Variants in FARS2 observed in about 807,000 individuals in gnomAD.
The protein encoded by FARS2 is phenylalanine--tRNA ligase, mitochondrial.
Under a neutral mutation model 46.4 loss-of-function variants are expected in FARS2, and 40 were observed. That is an observed-to-expected ratio of 0.86 (90% CI 0.67 to 1.12). The LOEUF (loss-of-function observed/expected upper bound fraction) is 1.12. FARS2 is among the 50% of genes most tolerant of loss of function. FARS2 has a pLI of 0.00. For synonymous variants in FARS2, 234 were observed against 214.9 expected, an observed-to-expected ratio of 1.09 and a Z score of -0.78; for missense variants, 513 against 567.9, an observed-to-expected ratio of 0.90 and a Z score of 0.98.
chr6:5,574,195 G>C (rs759026460), intron 5 of FARS2, among the ~76,000 whole-genome samples: 1 of 152,036 alleles, frequency 6.6e-6, no homozygotes, highest in African/African-American at 2.4e-5. Flanking sequence ...ACAGTGGTGC[G>C]ATCTCGGCTC....
At chr6:5,496,039 C>G (rs558761275) in intron 4 of FARS2, among the ~76,000 whole-genome samples, 7 of 152,300 alleles carry the variant, frequency 4.6e-5, no homozygotes, top group Non-Finnish European at 7.4e-5. Flanking sequence ...CCCCTAGGAT[C>G]CCTGCACAAC....
the FARS2 span, among the ~76,000 whole-genome samples, chr6:5,250,658 A>C: frequency 6.6e-6 from 1 of 152,226 alleles, no homozygotes; most frequent in Non-Finnish European, 1.5e-5. Context: ...GTCAGGTAAC[A>C]ATAGTTCTTT....
At chr6:5,758,308 A>T (rs1762313243) in intron 6 of FARS2, among the ~76,000 whole-genome samples, 1 of 152,176 alleles carries the variant, frequency 6.6e-6, no homozygotes, top group South Asian at 2.1e-4. Context: ...ATATTAATCA[A>T]TTAGATTACT....
At chr6:5,580,724 G>A (rs1035357289) in intron 5 of FARS2, among the ~76,000 whole-genome samples, 51 of 152,260 alleles carry the variant, frequency 3.3e-4, no homozygotes, top group Admixed American at 2.7e-3. Flanking sequence ...TGCTCTGGAC[G>A]CCGCCATTCC....
At position 5,263,864 on chromosome 6, in the gene FARS2, C is replaced by T. The variant is rs116444740; in HGVS notation, c.-22+2204C>T. Among the ~76,000 whole-genome samples, 953 of 152,208 alleles carry T rather than the reference C, an allele frequency of 6.3e-3. 10 individuals carry two copies. The highest frequency in any genetic ancestry group is 0.043 in the South Asian group (209 of 4,816). The stretch of plus-strand genomic sequence containing the variant: ...ATTTACTGTCCTTAAGCTTAAATAT[C>T]AAAATGATGTATAAAGTAAAATTTG... On this transcript the variant is annotated intron_variant, in intron 1 of 6. Transcript: ENST00000274680.
At chr6:5,296,129 CTTTTTTTTTT>C (rs70974187) in intron 1 of FARS2, among the ~76,000 whole-genome samples, 44 of 55,072 alleles carry the variant, frequency 8.0e-4, no homozygotes, top group East Asian at 1.9e-3. Context: ...TCATTTTGGC[CTTTTTTTTTT>C]TTTTTTTTTT....
chr6:5,667,398 G>A (rs748458748), intron 6 of FARS2, among the ~76,000 whole-genome samples: 42 of 151,810 alleles, frequency 2.8e-4, no homozygotes, highest in Middle Eastern at 6.8e-3. Flanking sequence ...CATGCCTAAA[G>A]TCCCAGCTGC....
At chr6:5,315,831 G>C (rs1308987481) in intron 1 of FARS2, among the ~76,000 whole-genome samples, 3 of 151,838 alleles carry the variant, frequency 2.0e-5, no homozygotes, top group Non-Finnish European at 4.4e-5. Flanking sequence ...GCTTATAAAT[G>C]CATGTTCAGA....
intron 1 of FARS2, among the ~76,000 whole-genome samples, chr6:5,324,899 G>A (rs1300190519): frequency 6.6e-6 from 1 of 151,806 alleles, no homozygotes; most frequent in Non-Finnish European, 1.5e-5. Flanking sequence ...TCTCATCCCT[G>A]CCTCCTGAGA....
intron 3 of FARS2, among the ~76,000 whole-genome samples, chr6:5,423,096 G>A (rs997336125): frequency 1.3e-5 from 2 of 152,104 alleles, no homozygotes; most frequent in Non-Finnish European, 2.9e-5. Flanking sequence ...GACCAGCTTT[G>A]TGGAGGCTGG....
At chr6:5,323,039 C>G (rs543142876) in intron 1 of FARS2, among the ~76,000 whole-genome samples, 39 of 152,208 alleles carry the variant, frequency 2.6e-4, no homozygotes, top group Admixed American at 1.8e-3. Flanking sequence ...TGCATTATTA[C>G]TTTTATCAAT....
At chr6:5,514,321 A>T (rs896682213) in intron 4 of FARS2, among the ~76,000 whole-genome samples, 2 of 152,222 alleles carry the variant, frequency 1.3e-5, no homozygotes, top group African/African-American at 4.8e-5. Context: ...AACATTAAAA[A>T]GACAAAATTC....
rs992138631 is a variant in FARS2, at chr6:5,678,503, T to A, written c.1217+65183T>A. On this transcript the variant is annotated intron_variant, in intron 6 of 6. Transcript: ENST00000274680. Reference sequence around the variant, plus strand: ...CACTAAGTTTACATCAGAGAGGACATACTTTTATAGTCTGCATTGTCAGTG... The same window carrying A: ...CACTAAGTTTACATCAGAGAGGACAAACTTTTATAGTCTGCATTGTCAGTG... 1.6e-4 allele frequency among the ~76,000 whole-genome samples: 24 copies of A among 152,178 alleles called. 1 individual carries two copies. Among genetic ancestry groups the A allele is most frequent in the African/African-American group, 5.5e-4 (23 of 41,450 alleles).
chr6:5,692,786 G>T lies in FARS2; in HGVS notation c.1218-78505G>T, dbSNP rs557093189. On this transcript the variant is annotated intron_variant, in intron 6 of 6. Coordinates refer to ENST00000274680, the MANE Select transcript of FARS2 (RefSeq NM_006567.5). ...TGAACATGTGGGATATGATGTGTGTGCGTCACTATTTTTATATCCTTGTAT... is the reference window on the plus strand; with the variant it reads ...TGAACATGTGGGATATGATGTGTGTTCGTCACTATTTTTATATCCTTGTAT... 3.9e-5 allele frequency among the ~76,000 whole-genome samples: 6 copies of T among 152,148 alleles called. 1 individual carries two copies. In the South Asian group the frequency reaches 1.2e-3, roughly 31 times the overall value.
At chr6:5,719,813 T>G (rs897056369) in intron 6 of FARS2, among the ~76,000 whole-genome samples, 3 of 152,246 alleles carry the variant, frequency 2.0e-5, no homozygotes, top group Non-Finnish European at 4.4e-5. Flanking sequence ...GTAGTTGATT[T>G]TATGTATTGC....
In FARS2 at chr6:5,630,257, T is replaced by G. The variant is rs1214658246; in HGVS notation, c.1217+16937T>G. Among the ~76,000 whole-genome samples, 1 of 152,090 alleles carries G rather than the reference T, an allele frequency of 6.6e-6. No homozygotes were observed. The highest frequency in any genetic ancestry group is 6.5e-5 in the Admixed American group (1 of 15,274). ...GAGATGGAAGTCAAAGAGCAGAGGC[T>G]GGGAATGAAAGCCATTGGAAGGTAC... On this transcript the variant is annotated intron_variant, in intron 6 of 6. Coordinates refer to ENST00000274680, the MANE Select transcript of FARS2 (RefSeq NM_006567.5). The surrounding 1 kb of genome is among the most constrained non-coding windows in gnomAD (Gnocchi z 4.2).
At chr6:5,708,989 G>T (rs1758934869) in intron 6 of FARS2, among the ~76,000 whole-genome samples, 1 of 152,152 alleles carries the variant, frequency 6.6e-6, no homozygotes, top group South Asian at 2.1e-4. Flanking sequence ...AGGGTTGCTG[G>T]CCCTCATCTG....
intron 6 of FARS2, among the ~76,000 whole-genome samples, chr6:5,717,908 CTATATATATATATA>C (rs58922507): frequency 1.3e-5 from 1 of 77,724 alleles, no homozygotes; most frequent in Non-Finnish European, 3.3e-5. Flanking sequence ...AAGGTATCAG[CTATATATATATATA>C]TATATATATA....
intron 6 of FARS2, among the ~76,000 whole-genome samples, chr6:5,720,266 C>T (rs1268152577): frequency 1.3e-5 from 2 of 152,210 alleles, no homozygotes; most frequent in Non-Finnish European, 2.9e-5. Context: ...AGGGTAACTT[C>T]TGAGTTCTGG....
Sources: gnomAD v4.1 joint callset for allele counts (sites outside exome capture counted in the v4.1 genomes callset) on GRCh38, gnomAD v4.1.1 for gene constraint, Gnocchi (gnomAD v3.1) non-coding constraint, MANE v1.5 for transcripts, NCBI Gene and HGNC (gene_info 2026-07-23, HGNC 2026-07-21) for gene names.